DST: variants seen among roughly 807,000 people sequenced by gnomAD.
DST encodes dystonin, also known as bullous pemphigoid antigen.
Under a neutral mutation model 875.2 loss-of-function variants are expected in DST, and 253 were observed. The ratio of observed to expected loss-of-function variants is 0.29; its 90% CI spans 0.26 to 0.32. The LOEUF (loss-of-function observed/expected upper bound fraction) is 0.32. Among genes scored for constraint, DST ranks in the 10% least tolerant of loss-of-function variants. The probability of loss-of-function intolerance (pLI) is 1.00; values close to 1 mark genes in which losing one functional copy is unlikely to be tolerated. For missense variants in DST, 8,287 were observed against 9,111.6 expected (o/e 0.91, Z 3.68); for synonymous variants, 3,124 against 3,197.1 (o/e 0.98, Z 0.77).
At position 56,482,888 on chromosome 6, in the gene DST, C is replaced by A; in HGVS notation, c.21208-11G>T. The A allele has an allele frequency of 6.8e-7, 1 of 1,471,616 alleles. No individual in the cohort carries two copies. The highest frequency in any genetic ancestry group is 2.4e-5 in the Admixed American group (1 of 41,784). 91.2% of individuals were successfully genotyped at this position (1,471,616 alleles called of 1,614,324 possible). On this transcript the variant is annotated splice_polypyrimidine_tract_variant and intron_variant, in intron 88 of 103. Coordinates refer to ENST00000680361, the MANE Select transcript of DST (RefSeq NM_001374736.1). ...CTCTTTTTGGAAGGCCTAAGAAGAC[C>A]ATATTTTGAAAAATTAATTTTAATT...
intron 99 of DST, 94 bp downstream of exon 99, chr6:56,465,984 A>C: frequency 9.8e-7 from 1 of 1,017,284 alleles, no homozygotes; most frequent in South Asian, 1.6e-5. Context: ...CTATTGGAAT[A>C]AATGACCAAA....
At chr6:56,710,897 C>T (rs1443167355) in intron 5 of DST, among the ~76,000 whole-genome samples, 1 of 152,054 alleles carries the variant, frequency 6.6e-6, no homozygotes, top group East Asian at 1.9e-4. Flanking sequence ...TAAGGTACTA[C>T]GTTAAGTCAA....
chr6:56,685,278 C>T (rs981392577), intron 9 of DST, among the ~76,000 whole-genome samples: 5 of 152,062 alleles, frequency 3.3e-5, no homozygotes, highest in Admixed American at 1.3e-4. Flanking sequence ...TCTATAAGGA[C>T]CTTAAACAAA....
intron 2 of DST, among the ~76,000 whole-genome samples, chr6:56,902,629 C>T (rs1173286455): frequency 6.6e-6 from 1 of 152,256 alleles, no homozygotes; most frequent in African/African-American, 2.4e-5. Flanking sequence ...TTTGGGCTCT[C>T]CTAATCCATC....
chr6:56,643,032 T>A, intron 15 of DST: 1 of 815,808 alleles, frequency 1.2e-6, no homozygotes, highest in Non-Finnish European at 1.8e-6. Context: ...TTGTAGCTTG[T>A]ATTAAAACCC....
chr6:56,788,405 C>G (rs2099709562), intron 4 of DST, among the ~76,000 whole-genome samples: 1 of 151,954 alleles, frequency 6.6e-6, no homozygotes, highest in African/African-American at 2.4e-5. Context: ...TGGTCTTGAA[C>G]TCCTGAACTC....
chr6:56,744,152 A>C (rs1563972188), intron 4 of DST, among the ~76,000 whole-genome samples: 1 of 150,622 alleles, frequency 6.6e-6, no homozygotes, highest in Non-Finnish European at 1.5e-5. Flanking sequence ...TCTGTCTCAA[A>C]AAAAAAAAAA....
At chr6:56,496,232 A>C (rs1162116895) in intron 82 of DST, among the ~76,000 whole-genome samples, 2 of 152,160 alleles carry the variant, frequency 1.3e-5, no homozygotes, top group Non-Finnish European at 2.9e-5. Flanking sequence ...AATAAATCCA[A>C]AGTAGCCTAA....
chr6:56,858,835 T>G (rs1421453348), intron 3 of DST, among the ~76,000 whole-genome samples: 1 of 152,214 alleles, frequency 6.6e-6, no homozygotes, highest in Non-Finnish European at 1.5e-5. Flanking sequence ...TCACTGACTA[T>G]CTTATTTAAT....
rs896003352 is a variant in DST at position 56,822,859 on chromosome 6, G to A, written c.625+28538C>T. Among the ~76,000 whole-genome samples the A allele has an allele frequency of 6.0e-5, 9 of 150,354 alleles. No individual in the cohort carries two copies. The South Asian group carries it at 1.1e-3, about 18-fold the overall frequency. On this transcript the variant is annotated intron_variant, in intron 4 of 103. Coordinates refer to ENST00000680361, the MANE Select transcript of DST (RefSeq NM_001374736.1). ...TATTTTTTTTTTGAGAAGGAGTCTC[G>A]TTCTGTCACCCAGGCTGGAGTGCAG...
chr6:56,917,114 A>G (rs912214745), intron 2 of DST, among the ~76,000 whole-genome samples: 26 of 151,340 alleles, frequency 1.7e-4, no homozygotes, highest in African/African-American at 6.1e-4. Flanking sequence ...AGGACTGACC[A>G]CTCCTGCCCA....
intron 4 of DST, among the ~76,000 whole-genome samples, chr6:56,781,529 T>G (rs527590736): frequency 1.3e-5 from 2 of 152,170 alleles, no homozygotes; most frequent in Non-Finnish European, 2.9e-5. Context: ...TGTTTGTCTG[T>G]TATTGGTGTA....
intron 80 of DST, among the ~76,000 whole-genome samples, chr6:56,498,876 T>C (rs1475186966): frequency 6.6e-6 from 1 of 152,128 alleles, no homozygotes; most frequent in African/African-American, 2.4e-5. Context: ...GTTCTTCAAG[T>C]AGAAAACATA....
In DST at chr6:56,625,164, A is replaced by G; in HGVS notation, c.4823T>C (p.Ile1608Thr). ...CTCTCATACTTTTATTACCTCTTGA[A>G]TAATGAGATCTGCTGAACTCTGCAT... The part of the protein sequence containing the change: ...RRMQSSADLI[I>T]QEFMDLRTRY... Residue 1608 changes from isoleucine to threonine, a missense_variant, in exon 35 of 104, where the codon ATT becomes ACT. Transcript: ENST00000680361. 6.2e-7 allele frequency: 1 copy of G among 1,609,082 alleles called. No individual in the cohort carries two copies. Among genetic ancestry groups the G allele is most frequent in the Non-Finnish European group, 8.5e-7 (1 of 1,175,526 alleles).
At chr6:56,763,603 T>A (rs1303168186) in intron 4 of DST, among the ~76,000 whole-genome samples, 1 of 149,006 alleles carries the variant, frequency 6.7e-6, no homozygotes, top group African/African-American at 2.5e-5. Context: ...ACCTGGGAGG[T>A]GGAGGTTGCA....
chr6:56,898,425 T>C (rs1792478575), intron 3 of DST, among the ~76,000 whole-genome samples: 1 of 152,210 alleles, frequency 6.6e-6, no homozygotes, highest in Non-Finnish European at 1.5e-5. Context: ...GAGAGAATAA[T>C]GATGGTTGAG....
chr6:56,600,208 C>T lies in DST; in HGVS notation c.11555G>A (p.Arg3852His), dbSNP rs776004085. The T allele has an allele frequency of 3.0e-5, 49 of 1,611,736 alleles. 1 individual carries two copies. The highest frequency in any genetic ancestry group is 1.6e-4 in the Middle Eastern group (1 of 6,074). ...GAGTTTCTCTTTATACTCCTGCTGA[C>T]GCTCTGCTACAATCTAAAGTGAAGA... ...DLDDQKIVAE[R>H]QQEYKEKLQG... The change falls in exon 45 of 104, where the codon CGT (arginine) becomes CAT (histidine). Residue 3852 changes from arginine to histidine, a missense_variant. Around this residue, in one of 10 missense-constraint regions of DST, gnomAD observed 3,138 missense variants for 3,116.6 expected, o/e 1.01. Coordinates refer to ENST00000680361, the MANE Select transcript of DST (RefSeq NM_001374736.1).
In DST at chr6:56,606,936, C is replaced by G; in HGVS notation, c.7692G>C (p.Gly2564=). 6.2e-7 allele frequency: 1 copy of G among 1,613,424 alleles called. No individual in the cohort carries two copies. The highest frequency in any genetic ancestry group is 8.5e-7 in the Non-Finnish European group (1 of 1,179,586). ...ACACAATGGCATTATCAGTATCACC[C>G]CCTGGAGTCACAGCACAGGAATACT... ...IEEYSCAVTP[G]GDTDNAIVSL... Residue 2564 remains glycine, a synonymous_variant, in exon 40 of 104, where the codon GGG becomes GGC. Transcript: ENST00000680361.
intron 4 of DST, among the ~76,000 whole-genome samples, chr6:56,777,185 C>T (rs1453234241): frequency 6.6e-6 from 1 of 152,062 alleles, no homozygotes; most frequent in Non-Finnish European, 1.5e-5. Context: ...AAGTACAAGA[C>T]ATTTATGTTT....
Sources: gnomAD v4.1 joint callset for allele counts (sites outside exome capture counted in the v4.1 genomes callset) on GRCh38, gnomAD v4.1.1 for gene constraint, gnomAD v4.1.1 regional missense constraint, MANE v1.5 for transcripts, NCBI Gene and HGNC (gene_info 2026-07-23, HGNC 2026-07-21) for gene names.